The following B4GALT5 variants were observed in gnomAD, a reference collection of about 807,000 sequenced individuals.
The protein encoded by B4GALT5 is beta-1,4-galactosyltransferase 5, also known as UDP-Gal:beta-GlcNAc beta-1,4-galactosyltransferase 5.
B4GALT5 carries 11 observed loss-of-function variants against 45.0 expected under a neutral mutation model. The ratio of observed to expected loss-of-function variants is 0.24; its 90% CI spans 0.15 to 0.40. B4GALT5 has a LOEUF of 0.40. Ranked by LOEUF, B4GALT5 falls within the 10% of genes least tolerant of loss-of-function variation. The pLI, the probability that B4GALT5 is intolerant of heterozygous loss-of-function variation, is 1.00. For synonymous variants in B4GALT5, 185 were observed against 182.9 expected, an observed-to-expected ratio of 1.01 and a Z score of -0.09; for missense variants, 337 against 500.2, an observed-to-expected ratio of 0.67 and a Z score of 3.11.
At chr20:49,697,163 A>G (rs1395629875) in intron 1 of B4GALT5, among the ~76,000 whole-genome samples, 6 of 152,236 alleles carry the variant, frequency 3.9e-5, no homozygotes, top group Non-Finnish European at 2.9e-5. Context: ...ATAAACAGCT[A>G]AAGAAATTAA....
intron 1 of B4GALT5, among the ~76,000 whole-genome samples, chr20:49,707,907 C>A (rs1419037079): frequency 1.3e-5 from 2 of 150,750 alleles, no homozygotes; most frequent in African/African-American, 4.9e-5. Flanking sequence ...AGCCACCTTG[C>A]CCAGCCTTTT....
At chr20:49,689,276 A>G (rs1300672732) in intron 1 of B4GALT5, among the ~76,000 whole-genome samples, 1 of 152,224 alleles carries the variant, frequency 6.6e-6, no homozygotes, top group African/African-American at 2.4e-5. Context: ...TGAGAAAGAT[A>G]AGAGAGATCC....
chr20:49,690,652 A>G (rs2085806753), intron 1 of B4GALT5, among the ~76,000 whole-genome samples: 1 of 152,208 alleles, frequency 6.6e-6, no homozygotes, highest in African/African-American at 2.4e-5. Flanking sequence ...GTTGCAAAAA[A>G]GTTATATCTG....
At chr20:49,668,196 C>T (rs1186934350) in intron 1 of B4GALT5, among the ~76,000 whole-genome samples, 2 of 152,112 alleles carry the variant, frequency 1.3e-5, no homozygotes, top group African/African-American at 4.8e-5. Flanking sequence ...TCGTAGGTTT[C>T]ATTTTTCACC....
intron 1 of B4GALT5, among the ~76,000 whole-genome samples, chr20:49,664,421 TACAC>T (rs55990435): frequency 0.072 from 9,205 of 128,734 alleles, 402 homozygotes; most frequent in African/African-American, 0.13. Context: ...GGTCTCCAAA[TACAC>T]ACACACACAC....
intron 1 of B4GALT5, among the ~76,000 whole-genome samples, chr20:49,663,231 C>T (rs1019292658): frequency 5.3e-5 from 8 of 152,290 alleles, no homozygotes; most frequent in Admixed American, 3.3e-4. Flanking sequence ...GGCTTCTGGT[C>T]ATCTTATTTC....
At chr20:49,689,776 A>G (rs2085802601) in intron 1 of B4GALT5, among the ~76,000 whole-genome samples, 1 of 152,202 alleles carries the variant, frequency 6.6e-6, no homozygotes, top group Admixed American at 6.5e-5. Flanking sequence ...ATACCTGTGT[A>G]ATCTAAATCC....
At chr20:49,698,267 G>A (rs2085847600) in intron 1 of B4GALT5, among the ~76,000 whole-genome samples, 1 of 152,026 alleles carries the variant, frequency 6.6e-6, no homozygotes, top group Non-Finnish European at 1.5e-5. Flanking sequence ...AGGTTGCAGT[G>A]AGCCGAGACG....
intron 1 of B4GALT5, among the ~76,000 whole-genome samples, chr20:49,709,600 C>T (rs1403241360): frequency 6.6e-6 from 1 of 151,968 alleles, no homozygotes; most frequent in Non-Finnish European, 1.5e-5. Flanking sequence ...GGTAAAACCC[C>T]ATCTCTACTA....
intron 1 of B4GALT5, among the ~76,000 whole-genome samples, chr20:49,699,915 C>T (rs1020852538): frequency 6.6e-6 from 1 of 152,210 alleles, no homozygotes; most frequent in Non-Finnish European, 1.5e-5. Context: ...AATCTCATCA[C>T]TTCCTCTGCC....
chr20:49,701,625 C>G (rs1277523897), intron 1 of B4GALT5, among the ~76,000 whole-genome samples: 3 of 152,092 alleles, frequency 2.0e-5, no homozygotes, highest in Non-Finnish European at 4.4e-5. Context: ...GTGAATAAAG[C>G]ATTACTAATT....
At chr20:49,666,089 A>G (rs555615036) in intron 1 of B4GALT5, among the ~76,000 whole-genome samples, 2 of 152,178 alleles carry the variant, frequency 1.3e-5, no homozygotes, top group Non-Finnish European at 2.9e-5. Context: ...CGGAACAAGT[A>G]AATTTACCCT....
At chr20:49,679,139 G>C (rs1458744592) in intron 1 of B4GALT5, among the ~76,000 whole-genome samples, 2 of 152,124 alleles carry the variant, frequency 1.3e-5, no homozygotes, top group African/African-American at 4.8e-5. Context: ...TGACTCAATA[G>C]ATTATGGGAA....
rs547809789 is a variant in B4GALT5 at position 49,679,804 on chromosome 20, C to T, written c.116-23102G>A. Among the ~76,000 whole-genome samples the T allele has an allele frequency of 1.4e-4, 22 of 152,280 alleles. No individual in the cohort carries two copies. The East Asian group carries it at 3.1e-3, about 21-fold the overall frequency. ...ACACATATTGCTGCCATAAAAACTG[C>T]TGTTATCAGGCAAAGAATGAATAGG... On this transcript the variant is annotated intron_variant, in intron 1 of 8. Transcript: ENST00000371711.
At chr20:49,681,313 G>T (rs1306224697) in intron 1 of B4GALT5, among the ~76,000 whole-genome samples, 1 of 150,668 alleles carries the variant, frequency 6.6e-6, no homozygotes, top group Admixed American at 6.6e-5. Flanking sequence ...TAAAATTCAC[G>T]TTAAGAGTCA....
intron 1 of B4GALT5, among the ~76,000 whole-genome samples, chr20:49,693,940 AAATT>A (rs1413145853): frequency 6.6e-6 from 1 of 152,186 alleles, no homozygotes; most frequent in Admixed American, 6.5e-5. Context: ...AGGCACAACA[AAATT>A]AATCTCTGCA....
intron 1 of B4GALT5, among the ~76,000 whole-genome samples, chr20:49,696,653 G>A (rs2085840719): frequency 1.3e-5 from 2 of 152,122 alleles, no homozygotes. Flanking sequence ...AATTCCTGAG[G>A]TGCAAAATTT....
At chr20:49,651,798 G>T (rs2085623937) in intron 2 of B4GALT5, among the ~76,000 whole-genome samples, 1 of 152,156 alleles carries the variant, frequency 6.6e-6, no homozygotes, top group African/African-American at 2.4e-5. Flanking sequence ...CTAACACCAG[G>T]CCGGGTGTGG....
chr20:49,713,538 A>G, intron 1 of B4GALT5, 38 bp downstream of exon 1: 1 of 1,541,872 alleles, frequency 6.5e-7, no homozygotes, highest in Non-Finnish European at 8.8e-7. Flanking sequence ...CCTCAAGGCC[A>G]GAGCGGCAGC....
Sources: allele counts gnomAD v4.1 joint callset (sites outside exome capture counted in the v4.1 genomes callset), GRCh38; gene constraint gnomAD v4.1.1; transcripts MANE v1.5; gene names NCBI Gene and HGNC (gene_info 2026-07-23, HGNC 2026-07-21).